Variants in DCC observed in about 807,000 individuals in gnomAD.
The protein encoded by DCC is DCC netrin 1 receptor.
In DCC, 58 loss-of-function variants were observed where a neutral mutation model predicts 172.5. The ratio of observed to expected loss-of-function variants is 0.34; its 90% confidence interval spans 0.27 to 0.42. The LOEUF (loss-of-function observed/expected upper bound fraction) is 0.42, where lower values mean the gene tolerates loss of function less well. Ranked by LOEUF, DCC falls within the 10% of genes least tolerant of loss-of-function variation. DCC has a pLI of 1.00. For missense variants in DCC, 1,740 were observed against 1,791.0 expected, an observed-to-expected ratio of 0.97 and a Z score of 0.51; for synonymous variants, 709 against 644.5, an observed-to-expected ratio of 1.10 and a Z score of -1.52.
At chr18:53,007,184 T>C (rs546312429) in intron 5 of DCC, among the ~76,000 whole-genome samples, 3 of 152,314 alleles carry the variant, frequency 2.0e-5, no homozygotes, top group African/African-American at 7.2e-5. Context: ...AAATATCTAG[T>C]CTTTGTTGGA....
chr18:52,572,757 C>T (rs935776825), intron 1 of DCC, among the ~76,000 whole-genome samples: 3 of 152,146 alleles, frequency 2.0e-5, no homozygotes, highest in Non-Finnish European at 2.9e-5. Flanking sequence ...AGGCTCTCTT[C>T]CTGGGAGTGA....
intron 1 of DCC, among the ~76,000 whole-genome samples, chr18:52,698,913 T>A (rs1454409641): frequency 6.6e-6 from 1 of 152,032 alleles, no homozygotes; most frequent in Non-Finnish European, 1.5e-5. Flanking sequence ...CTGGCCAAGA[T>A]GAGAGTCTTA....
intron 8 of DCC, among the ~76,000 whole-genome samples, chr18:53,174,871 A>C (rs371148219): frequency 3.9e-5 from 6 of 152,148 alleles, no homozygotes; most frequent in East Asian, 1.9e-4. Context: ...GAGACACAAC[A>C]AAAAAAGAGA....
chr18:52,696,976 T>G (rs1453870593), intron 1 of DCC, among the ~76,000 whole-genome samples: 1 of 152,100 alleles, frequency 6.6e-6, no homozygotes, highest in East Asian at 1.9e-4. Flanking sequence ...ATTTGGGAGG[T>G]ACCCCACAGG....
intron 1 of DCC, among the ~76,000 whole-genome samples, chr18:52,416,608 A>T (rs1032928194): frequency 4.0e-5 from 6 of 151,496 alleles, no homozygotes; most frequent in Admixed American, 2.6e-4. Context: ...TGTTGAATTG[A>T]TCCCTTTAGC....
intron 5 of DCC, among the ~76,000 whole-genome samples, chr18:53,036,338 T>C (rs565270356): frequency 3.9e-5 from 6 of 152,154 alleles, no homozygotes; most frequent in African/African-American, 1.4e-4. Flanking sequence ...ATTTGCACTT[T>C]CTTATATGTG....
At chr18:52,699,559 C>A (rs1055897696) in intron 1 of DCC, among the ~76,000 whole-genome samples, 3 of 152,092 alleles carry the variant, frequency 2.0e-5, no homozygotes, top group Non-Finnish European at 2.9e-5. Context: ...AGAATATGAC[C>A]AGTTCAAGGG....
chr18:53,031,258 C>CAATAA (rs1030205007), intron 5 of DCC, among the ~76,000 whole-genome samples: 7 of 152,080 alleles, frequency 4.6e-5, no homozygotes, highest in Admixed American at 3.9e-4. Context: ...AACTCTCTCT[C>CAATAA]AATAAAATAA....
At chr18:53,023,349 TAAAAAA>T (rs148950349) in intron 5 of DCC, among the ~76,000 whole-genome samples, 2 of 63,044 alleles carry the variant, frequency 3.2e-5, no homozygotes, top group Non-Finnish European at 6.7e-5. Context: ...AAAAAAAACA[TAAAAAA>T]AATAAAAATA....
intron 2 of DCC, among the ~76,000 whole-genome samples, chr18:52,799,029 G>A (rs994576096): frequency 5.9e-5 from 9 of 152,174 alleles, no homozygotes; most frequent in Non-Finnish European, 1.2e-4. Flanking sequence ...GATTACAGGC[G>A]TGAGCCACCG....
chr18:52,364,762 A>C (rs1984770917), intron 1 of DCC, among the ~76,000 whole-genome samples: 2 of 152,130 alleles, frequency 1.3e-5, no homozygotes, highest in Non-Finnish European at 2.9e-5. Context: ...GTATGAGTGG[A>C]AGTGGGCCAG....
intron 5 of DCC, among the ~76,000 whole-genome samples, chr18:53,022,175 G>A (rs2041890466): frequency 6.6e-6 from 1 of 151,870 alleles, no homozygotes; most frequent in Non-Finnish European, 1.5e-5. Flanking sequence ...TAAATATTCA[G>A]GATTTAGCAT....
At chr18:53,516,055 CA>C (rs1319934418) in intron 27 of DCC, among the ~76,000 whole-genome samples, 2 of 146,174 alleles carry the variant, frequency 1.4e-5, no homozygotes, top group Non-Finnish European at 2.9e-5. Flanking sequence ...AACTATACTA[CA>C]AGGCTACAGT....
At chr18:53,106,350 C>A (rs184243230) in intron 7 of DCC, among the ~76,000 whole-genome samples, 1 of 152,004 alleles carries the variant, frequency 6.6e-6, no homozygotes, top group East Asian at 2.0e-4. Context: ...GACTCATTTG[C>A]TTACTTGCCT....
intron 1 of DCC, among the ~76,000 whole-genome samples, chr18:52,704,854 C>T (rs2035136730): frequency 6.6e-6 from 1 of 152,150 alleles, no homozygotes; most frequent in Admixed American, 6.5e-5. Flanking sequence ...GCTTTCAATC[C>T]TTTTCATTTA....
chr18:52,665,880 C>A (rs2035452181), intron 1 of DCC, among the ~76,000 whole-genome samples: 2 of 152,128 alleles, frequency 1.3e-5, no homozygotes, highest in African/African-American at 4.8e-5. Context: ...CAATCATTTG[C>A]CTTGTTTCTC....
chr18:52,822,399 GT>G, intron 2 of DCC, among the ~76,000 whole-genome samples: 1 of 152,270 alleles, frequency 6.6e-6, no homozygotes, highest in East Asian at 1.9e-4. Context: ...AATCCACCTA[GT>G]TTCAGGCCAC....
At chr18:53,092,482 A>G (rs2043028302) in intron 7 of DCC, among the ~76,000 whole-genome samples, 2 of 152,218 alleles carry the variant, frequency 1.3e-5, no homozygotes, top group Admixed American at 1.3e-4. Context: ...TTATTAAAGC[A>G]TATAAAATAT....
intron 1 of DCC, among the ~76,000 whole-genome samples, chr18:52,714,272 C>A (rs1054197718): frequency 8.5e-5 from 13 of 152,166 alleles, no homozygotes; most frequent in African/African-American, 3.1e-4. Flanking sequence ...ATAGCAAATA[C>A]ATTTTCATAG....
Sources: gnomAD v4.1 joint callset for allele counts (sites outside exome capture counted in the v4.1 genomes callset) on GRCh38, gnomAD v4.1.1 for gene constraint, MANE v1.5 for transcripts, NCBI Gene and HGNC (gene_info 2026-07-23, HGNC 2026-07-21) for gene names.